Variants in LRP5 observed in about 807,000 individuals in gnomAD.
LRP5 encodes LDL receptor related protein 5.
A neutral mutation model predicts 154.1 loss-of-function variants in LRP5; 62 were observed. The observed-to-expected ratio is 0.40, with a 90% CI of 0.33 to 0.50. The LOEUF (loss-of-function observed/expected upper bound fraction) is 0.50, where lower values mean the gene tolerates loss of function less well. LRP5 is among the 20% of genes least tolerant of loss of function. The probability of loss-of-function intolerance (pLI) is 0.55; values close to 1 mark genes in which losing one functional copy is unlikely to be tolerated. For synonymous variants in LRP5, 966 were observed against 1,011.5 expected, an observed-to-expected ratio of 0.96 and a Z score of 0.85; for missense variants, 1,915 against 2,336.7, an observed-to-expected ratio of 0.82 and a Z score of 3.72.
chr11:68,403,816 C>A, intron 8 of LRP5, 117 bp downstream of exon 8: 3 of 1,237,334 alleles, frequency 2.4e-6, no homozygotes, highest in Non-Finnish European at 3.4e-6. Context: ...TGGGGAAGGG[C>A]AGGACAGGAA....
chr11:68,303,693 C>T, the LRP5 span, among the ~76,000 whole-genome samples: 3 of 152,138 alleles, frequency 2.0e-5, no homozygotes, highest in Non-Finnish European at 4.4e-5. Flanking sequence ...ATGGGTTTCA[C>T]CATGTTGACC....
chr11:68,437,925 T>C (rs2098675922), intron 19 of LRP5, among the ~76,000 whole-genome samples: 1 of 152,210 alleles, frequency 6.6e-6, no homozygotes, highest in Non-Finnish European at 1.5e-5. Context: ...TCAGGATCGC[T>C]GGGCCGGCCC....
At chr11:68,302,332 C>A in the LRP5 span, among the ~76,000 whole-genome samples, 1 of 118,578 alleles carries the variant, frequency 8.4e-6, no homozygotes. Flanking sequence ...GATGACAGAG[C>A]AAGACTCCAT....
intron 21 of LRP5, chr11:68,445,450 TA>T (rs2098680889): frequency 4.9e-6 from 2 of 406,414 alleles, no homozygotes; most frequent in Non-Finnish European, 9.2e-6. Flanking sequence ...CAGAAGGTGG[TA>T]AAACAGGACT....
intron 19 of LRP5, 125 bp from the exon 20 acceptor site, chr11:68,438,321 C>T (rs747296630): frequency 1.3e-5 from 12 of 959,304 alleles, no homozygotes; most frequent in Non-Finnish European, 2.0e-5. Flanking sequence ...CCAGCTCCCC[C>T]ACTTTCTCCC....
At chr11:68,347,342 A>G (rs528879858) in intron 1 of LRP5, among the ~76,000 whole-genome samples, 1 of 152,206 alleles carries the variant, frequency 6.6e-6, no homozygotes, top group Non-Finnish European at 1.5e-5. Flanking sequence ...AAAGACTTGT[A>G]AGGGAATCTT....
At chr11:68,424,406 C>T (rs1432220810) in intron 14 of LRP5, among the ~76,000 whole-genome samples, 1 of 152,150 alleles carries the variant, frequency 6.6e-6, no homozygotes, top group Non-Finnish European at 1.5e-5. Context: ...ACTCAGTTTC[C>T]TCATTGGTAG....
chr11:68,406,952 CAAGCCTATTTAAAAAA>C (rs2153164789), intron 9 of LRP5, 139 bp downstream of exon 9: 2 of 789,300 alleles, frequency 2.5e-6, no homozygotes, highest in East Asian at 5.7e-5. Flanking sequence ...CAAATATGAG[CAAGCCTATTTAAAAAA>C]AAAAAGATGA....
At chr11:68,367,696 AG>A (rs2098631832) in intron 5 of LRP5, among the ~76,000 whole-genome samples, 1 of 151,994 alleles carries the variant, frequency 6.6e-6, no homozygotes, top group African/African-American at 2.4e-5. Context: ...TCATGACGGC[AG>A]GGAGTGGCCA....
chr11:68,443,591 T>TG (rs2098679801), intron 21 of LRP5, among the ~76,000 whole-genome samples: 1 of 86,744 alleles, frequency 1.2e-5, no homozygotes, highest in African/African-American at 4.1e-5. Flanking sequence ...ATATATTTTT[T>TG]TTTTTTTTGG....
At chr11:68,436,813 C>T (rs1299664142) in intron 18 of LRP5, 76 bp from the exon 19 acceptor site, 2 of 1,040,080 alleles carry the variant, frequency 1.9e-6, no homozygotes, top group Non-Finnish European at 3.0e-6. Context: ...GGAGTCCAGA[C>T]CTTGGTTGCT....
At position 68,365,644 on chromosome 11, in the gene LRP5, C is replaced by T; in HGVS notation, c.957C>T (p.Tyr319=). ...TGCTGTCCCCAAGCGAGCCTTTCTA[C>T]ACATGCGCCTGCCCCACGGGTGTGC... ...LCLLSPSEPF[Y]TCACPTGVQL... is the part of the protein sequence containing the mutation. The change falls in exon 5 of 23, where the codon TAC becomes TAT. Residue 319 remains tyrosine (Y), a synonymous_variant. Transcript: ENST00000294304. The T allele has an allele frequency of 6.2e-7, 1 of 1,613,170 alleles. No homozygotes were observed. The highest frequency in any genetic ancestry group is 1.3e-5 in the African/African-American group (1 of 74,836).
intron 14 of LRP5, among the ~76,000 whole-genome samples, chr11:68,424,106 G>A (rs937645908): frequency 3.3e-5 from 5 of 152,170 alleles, no homozygotes; most frequent in African/African-American, 4.8e-5. Flanking sequence ...CCTGTTGGTC[G>A]TCAGAGCTTC....
At chr11:68,364,091 A>T in intron 4 of LRP5, 148 bp downstream of exon 4, 1 of 592,306 alleles carries the variant, frequency 1.7e-6, no homozygotes. Flanking sequence ...GCAGAAGCCC[A>T]TGCTCTGGGG....
intron 2 of LRP5, among the ~76,000 whole-genome samples, chr11:68,354,214 G>T (rs906093191): frequency 6.6e-6 from 1 of 152,210 alleles, no homozygotes; most frequent in Non-Finnish European, 1.5e-5. Context: ...TTCGGAAGTC[G>T]ATTTTCCTCC....
chr11:68,393,231 C>T (rs1393688102), intron 7 of LRP5, among the ~76,000 whole-genome samples: 1 of 152,092 alleles, frequency 6.6e-6, no homozygotes, highest in African/African-American at 2.4e-5. Context: ...GGGTGGTGGG[C>T]AGTGGTTTCC....
At chr11:68,360,269 G>A (rs1215255422) in intron 3 of LRP5, among the ~76,000 whole-genome samples, 1 of 152,102 alleles carries the variant, frequency 6.6e-6, no homozygotes, top group African/African-American at 2.4e-5. Context: ...TGTCCACCTC[G>A]GCCTCTCAAA....
At chr11:68,383,565 G>A (rs1049803354) in intron 5 of LRP5, among the ~76,000 whole-genome samples, 5 of 152,220 alleles carry the variant, frequency 3.3e-5, no homozygotes, top group South Asian at 2.1e-4. Context: ...CCAGAGAGGG[G>A]CAGGAACCTG....
intron 17 of LRP5, among the ~76,000 whole-genome samples, chr11:68,431,221 G>A (rs1351075584): frequency 6.7e-6 from 1 of 149,124 alleles, no homozygotes; most frequent in African/African-American, 2.5e-5. Context: ...GCACACACTG[G>A]CTGTGCACCC....
Sources: allele counts gnomAD v4.1 joint callset (sites outside exome capture counted in the v4.1 genomes callset), GRCh38; gene constraint gnomAD v4.1.1; transcripts MANE v1.5; gene names NCBI Gene and HGNC (gene_info 2026-07-23, HGNC 2026-07-21).